The following SCARA3 variants were observed in gnomAD, a reference collection of about 807,000 sequenced individuals.
SCARA3 encodes scavenger receptor class A member 3, also known as cellular stress response gene protein.
A neutral mutation model predicts 47.0 loss-of-function variants in SCARA3; 39 were observed. That is an observed-to-expected ratio of 0.83 (90% CI 0.64 to 1.08). The LOEUF (loss-of-function observed/expected upper bound fraction) is 1.08, where lower values mean the gene tolerates loss of function less well. Ranked by LOEUF, SCARA3 falls within the 50% of genes least tolerant of loss-of-function variation. The pLI, the probability that SCARA3 is intolerant of heterozygous loss-of-function variation, is 0.00. For synonymous variants in SCARA3, 356 were observed against 334.1 expected, an observed-to-expected ratio of 1.07 and a Z score of -0.71; for missense variants, 724 against 792.3, an observed-to-expected ratio of 0.91 and a Z score of 1.04.
intron 1 of SCARA3, among the ~76,000 whole-genome samples, chr8:27,649,216 A>G (rs2128917893): frequency 6.6e-6 from 1 of 152,148 alleles, no homozygotes; most frequent in South Asian, 2.1e-4. Context: ...ATCTGCGCCC[A>G]TCCTGTCATC....
At chr8:27,723,896 G>A in the SCARA3 span, among the ~76,000 whole-genome samples, 4 of 152,056 alleles carry the variant, frequency 2.6e-5, no homozygotes, top group Non-Finnish European at 5.9e-5. Flanking sequence ...CCACCATGCC[G>A]AGCTAATTTT....
At chr8:27,660,243 GAATC>G (rs1051039754) in intron 5 of SCARA3, among the ~76,000 whole-genome samples, 9 of 151,842 alleles carry the variant, frequency 5.9e-5, no homozygotes, top group African/African-American at 2.2e-4. Context: ...CACAGAAACA[GAATC>G]AATAGTGTAT....
intron 5 of SCARA3, among the ~76,000 whole-genome samples, chr8:27,661,830 A>G (rs1397547665): frequency 6.6e-6 from 1 of 152,150 alleles, no homozygotes; most frequent in Non-Finnish European, 1.5e-5. Flanking sequence ...GGGTTGTTGA[A>G]TATTCCATTC....
At chr8:27,711,095 T>A in the SCARA3 span, among the ~76,000 whole-genome samples, 1 of 152,030 alleles carries the variant, frequency 6.6e-6, no homozygotes, top group Non-Finnish European at 1.5e-5. Context: ...ACTAATTCTG[T>A]ATTTTTAGTA....
chr8:27,683,613 A>G, the SCARA3 span, among the ~76,000 whole-genome samples: 1 of 152,202 alleles, frequency 6.6e-6, no homozygotes, highest in Non-Finnish European at 1.5e-5. Flanking sequence ...GTAAACACCC[A>G]TCTACCAGAT....
At chr8:27,650,333 G>A (rs910019535) in intron 2 of SCARA3, among the ~76,000 whole-genome samples, 4 of 152,060 alleles carry the variant, frequency 2.6e-5, no homozygotes, top group African/African-American at 9.7e-5. Flanking sequence ...CTGTCTCCTG[G>A]GGTCCTCCCG....
chr8:27,724,380 G>A, the SCARA3 span, among the ~76,000 whole-genome samples: 3,100 of 152,258 alleles, frequency 0.02, 49 homozygotes, highest in Middle Eastern at 0.061. Context: ...CTGGTCAAGT[G>A]TGGCCGGGCA....
At chr8:27,721,045 C>G in the SCARA3 span, among the ~76,000 whole-genome samples, 2 of 152,166 alleles carry the variant, frequency 1.3e-5, no homozygotes, top group South Asian at 2.1e-4. Flanking sequence ...ATTCATGCAC[C>G]TATTATCCAT....
At chr8:27,695,939 G>A in the SCARA3 span, among the ~76,000 whole-genome samples, 1 of 151,974 alleles carries the variant, frequency 6.6e-6, no homozygotes, top group Non-Finnish European at 1.5e-5. Flanking sequence ...AAAAAACTTT[G>A]AGGATAAATA....
At chr8:27,664,335 C>T (rs1357100419) in intron 5 of SCARA3, among the ~76,000 whole-genome samples, 3 of 152,220 alleles carry the variant, frequency 2.0e-5, no homozygotes, top group Non-Finnish European at 4.4e-5. Context: ...CCCATTTACA[C>T]ATTTTGTTTT....
At chr8:27,653,049 G>A (rs1180496982) in intron 3 of SCARA3, among the ~76,000 whole-genome samples, 2 of 152,226 alleles carry the variant, frequency 1.3e-5, no homozygotes, top group African/African-American at 2.4e-5. Flanking sequence ...CAGGCCAGAG[G>A]AGGAAAGGAG....
intron 3 of SCARA3, among the ~76,000 whole-genome samples, chr8:27,652,020 G>C (rs111784197): frequency 6.6e-6 from 1 of 152,190 alleles, no homozygotes; most frequent in Non-Finnish European, 1.5e-5. Context: ...GTTCACCCAG[G>C]GTTGAGATCA....
intron 5 of SCARA3, among the ~76,000 whole-genome samples, chr8:27,669,062 A>T (rs1489603578): frequency 6.6e-6 from 1 of 152,060 alleles, no homozygotes; most frequent in Non-Finnish European, 1.5e-5. Context: ...TCCACCCAGA[A>T]GGCGAGAGTG....
the SCARA3 span, among the ~76,000 whole-genome samples, chr8:27,684,938 A>G: frequency 1.3e-5 from 2 of 152,172 alleles, no homozygotes; most frequent in East Asian, 1.9e-4. Context: ...AAAAGTTTAA[A>G]GAAGTGTACC....
At chr8:27,649,832 C>CCCAGAGCGGAGA in intron 2 of SCARA3, 32 bp downstream of exon 2, 2 of 1,562,034 alleles carry the variant, frequency 1.3e-6, no homozygotes, top group Non-Finnish European at 1.8e-6. Context: ...CTGATCTCCG[C>CCCAGAGCGGAGA]TCTGGGCTGA....
the SCARA3 span, among the ~76,000 whole-genome samples, chr8:27,724,572 C>G: frequency 1.3e-5 from 2 of 152,150 alleles, no homozygotes; most frequent in Non-Finnish European, 1.5e-5. Flanking sequence ...GCAGGAGAAC[C>G]GTTTGAACCC....
At chr8:27,684,039 G>A in the SCARA3 span, among the ~76,000 whole-genome samples, 3 of 152,260 alleles carry the variant, frequency 2.0e-5, no homozygotes, top group South Asian at 2.1e-4. Flanking sequence ...CTTGCCTCAC[G>A]TTGTGCAGGG....
At chr8:27,719,784 C>T in the SCARA3 span, among the ~76,000 whole-genome samples, 1 of 152,108 alleles carries the variant, frequency 6.6e-6, no homozygotes, top group African/African-American at 2.4e-5. Context: ...AACTAATTGT[C>T]TCCCTTCCCA....
At chr8:27,666,512 G>T (rs941371495) in intron 5 of SCARA3, among the ~76,000 whole-genome samples, 1 of 152,216 alleles carries the variant, frequency 6.6e-6, no homozygotes, top group African/African-American at 2.4e-5. Context: ...AAGCAAGTTT[G>T]AGAGTCCCTG....
Sources: gnomAD v4.1 joint callset for allele counts (sites outside exome capture counted in the v4.1 genomes callset) on GRCh38, gnomAD v4.1.1 for gene constraint, MANE v1.5 for transcripts, NCBI Gene and HGNC (gene_info 2026-07-23, HGNC 2026-07-21) for gene names.